The following IMMP2L variants were observed in gnomAD, a reference collection of about 807,000 sequenced individuals.
The protein encoded by IMMP2L is mitochondrial inner membrane protease subunit 2.
IMMP2L carries 18 observed loss-of-function variants against 19.3 expected under a neutral mutation model. The ratio of observed to expected loss-of-function variants is 0.93; its 90% CI spans 0.64 to 1.38. The LOEUF (loss-of-function observed/expected upper bound fraction) is 1.38, where lower values mean the gene tolerates loss of function less well. IMMP2L is among the 40% of genes most tolerant of loss of function. The pLI, the probability that IMMP2L is intolerant of heterozygous loss-of-function variation, is 0.00. For missense variants in IMMP2L, 233 were observed against 218.2 expected, an observed-to-expected ratio of 1.07 and a Z score of -0.43; for synonymous variants, 76 against 73.0, an observed-to-expected ratio of 1.04 and a Z score of -0.21.
intron 3 of IMMP2L, among the ~76,000 whole-genome samples, chr7:111,388,218 T>C (rs1429481663): frequency 6.6e-6 from 1 of 151,876 alleles, no homozygotes; most frequent in Non-Finnish European, 1.5e-5. Flanking sequence ...CGGGACCAAA[T>C]ATTCAACCAG....
intron 5 of IMMP2L, among the ~76,000 whole-genome samples, chr7:110,831,884 G>A (rs1021457161): frequency 4.6e-5 from 7 of 152,190 alleles, no homozygotes; most frequent in Non-Finnish European, 1.0e-4. Flanking sequence ...AGACTTGTTA[G>A]AGGCTTCGGT....
intron 4 of IMMP2L, among the ~76,000 whole-genome samples, chr7:110,912,344 G>T (rs1813144872): frequency 6.6e-6 from 1 of 152,106 alleles, no homozygotes; most frequent in Non-Finnish European, 1.5e-5. Context: ...TAAACACAAT[G>T]TAAGTGTTCA....
chr7:110,691,129 C>T (rs566773498), intron 5 of IMMP2L, among the ~76,000 whole-genome samples: 39 of 152,104 alleles, frequency 2.6e-4, no homozygotes, highest in Admixed American at 2.6e-4. Context: ...ATACATAGAC[C>T]AATGGATCAG....
intron 3 of IMMP2L, among the ~76,000 whole-genome samples, chr7:110,990,336 A>C (rs901378207): frequency 1.3e-5 from 2 of 152,190 alleles, no homozygotes; most frequent in African/African-American, 4.8e-5. Flanking sequence ...ATTCAAACTT[A>C]AATATTCTAA....
chr7:110,748,999 A>G (rs1797552829), intron 5 of IMMP2L, among the ~76,000 whole-genome samples: 1 of 152,250 alleles, frequency 6.6e-6, no homozygotes, highest in African/African-American at 2.4e-5. Context: ...CAATCTATCC[A>G]TCTGACAAAG....
intron 5 of IMMP2L, among the ~76,000 whole-genome samples, chr7:110,748,431 G>T (rs1010400448): frequency 2.6e-5 from 4 of 152,094 alleles, no homozygotes; most frequent in African/African-American, 9.7e-5. Context: ...AAAACAGCCT[G>T]CATAGCCAAG....
At position 110,902,500 on chromosome 7, in the gene IMMP2L, A is replaced by T. The variant is rs1448722162; in HGVS notation, c.306-15805T>A. Among the ~76,000 whole-genome samples, 11 of 148,704 alleles carry T rather than the reference A, an allele frequency of 7.4e-5. No homozygotes were observed. In the East Asian group the frequency reaches 1.6e-3, roughly 21 times the overall value. On this transcript the variant is annotated intron_variant, in intron 4 of 5. Coordinates refer to ENST00000405709, the MANE Select transcript of IMMP2L (RefSeq NM_032549.4). Reference sequence around the variant, plus strand: ...ATAAAATATATATATATATATATATATAGTATCAAGGGTTCATGTTGGAAA... The same window carrying T: ...ATAAAATATATATATATATATATATTTAGTATCAAGGGTTCATGTTGGAAA...
At chr7:111,496,781 T>C (rs1415137321) in intron 2 of IMMP2L, among the ~76,000 whole-genome samples, 1 of 152,096 alleles carries the variant, frequency 6.6e-6, no homozygotes, top group African/African-American at 2.4e-5. Flanking sequence ...CCTTCAGACT[T>C]GGACTGAGCC....
chr7:111,450,798 A>C (rs1405216678), intron 3 of IMMP2L, among the ~76,000 whole-genome samples: 1 of 150,086 alleles, frequency 6.7e-6, no homozygotes, highest in African/African-American at 2.5e-5. Flanking sequence ...GAAAATTTTC[A>C]CAACCTACTC....
intron 3 of IMMP2L, among the ~76,000 whole-genome samples, chr7:111,040,365 T>C (rs868690237): frequency 7.9e-5 from 12 of 152,170 alleles, no homozygotes; most frequent in African/African-American, 2.4e-4. Context: ...CCTAGACTGA[T>C]AGCAGTAGTG....
At chr7:111,026,825 G>C (rs1479223264) in intron 3 of IMMP2L, among the ~76,000 whole-genome samples, 1 of 152,148 alleles carries the variant, frequency 6.6e-6, no homozygotes, top group Non-Finnish European at 1.5e-5. Flanking sequence ...AAAGGATTAA[G>C]TAGTTGTATA....
intron 3 of IMMP2L, among the ~76,000 whole-genome samples, chr7:111,171,195 T>TACAC (rs369075373): frequency 2.6e-5 from 4 of 151,304 alleles, no homozygotes; most frequent in Non-Finnish European, 5.9e-5. Context: ...GCATGCAAGA[T>TACAC]ACACACACAC....
chr7:110,776,169 C>T (rs117653989), intron 5 of IMMP2L, among the ~76,000 whole-genome samples: 120 of 151,678 alleles, frequency 7.9e-4, no homozygotes, highest in Admixed American at 1.2e-3. Context: ...ATTAGTAATT[C>T]CCACTCCAGG....
chr7:110,857,456 A>T (rs1437157948), intron 5 of IMMP2L, among the ~76,000 whole-genome samples: 1 of 152,084 alleles, frequency 6.6e-6, no homozygotes, highest in East Asian at 1.9e-4. Flanking sequence ...GAAAAATTTG[A>T]CTAACATAAA....
chr7:111,377,478 T>TC (rs1476831906), intron 3 of IMMP2L, among the ~76,000 whole-genome samples: 1 of 152,004 alleles, frequency 6.6e-6, no homozygotes, highest in Admixed American at 6.6e-5. Context: ...CAGCACCTGT[T>TC]CCTGTGGTAA....
At chr7:110,963,634 C>A (rs1819207986) in intron 3 of IMMP2L, 69 bp from the exon 4 acceptor site, 1 of 971,544 alleles carries the variant, frequency 1.0e-6, no homozygotes, top group Non-Finnish European at 1.6e-6. Context: ...AAAAGAAATT[C>A]TATAACAAAA....
chr7:110,680,199 T>C lies in IMMP2L; in HGVS notation c.409-16478A>G, dbSNP rs1401080034. Among the ~76,000 whole-genome samples, 5 of 152,210 alleles carry C rather than the reference T, an allele frequency of 3.3e-5. 1 individual carries two copies. In the East Asian group the frequency reaches 7.7e-4, roughly 23 times the overall value. On this transcript the variant is annotated intron_variant, in intron 5 of 5. Coordinates refer to ENST00000405709, the MANE Select transcript of IMMP2L (RefSeq NM_032549.4). ...AACTTAGATTACACAGAAGTTTAGA[T>C]AGGTAGGACGCCCTTAACATTATCT...
chr7:110,885,186 T>TTTA (rs1810089546), intron 5 of IMMP2L, among the ~76,000 whole-genome samples: 1 of 151,966 alleles, frequency 6.6e-6, no homozygotes, highest in African/African-American at 2.4e-5. Flanking sequence ...ATTTTTTTTT[T>TTTA]ATTTCGGAGT....
At chr7:110,884,758 AC>A (rs1810040253) in intron 5 of IMMP2L, among the ~76,000 whole-genome samples, 1 of 152,136 alleles carries the variant, frequency 6.6e-6, no homozygotes. Flanking sequence ...TGTTTATTTC[AC>A]CTTTAGTATA....
Sources: gnomAD v4.1 joint callset for allele counts (sites outside exome capture counted in the v4.1 genomes callset) on GRCh38, gnomAD v4.1.1 for gene constraint, MANE v1.5 for transcripts, NCBI Gene and HGNC (gene_info 2026-07-23, HGNC 2026-07-21) for gene names.